The following SAG variants were observed in gnomAD, a reference collection of about 807,000 sequenced individuals.
SAG encodes S-antigen visual arrestin, also known as S-arrestin.
In SAG, 45 loss-of-function variants were observed where a neutral mutation model predicts 55.0. That is an observed-to-expected ratio of 0.82 (90% CI 0.64 to 1.05). SAG has a LOEUF of 1.05. Ranked by LOEUF, SAG falls within the 50% of genes least tolerant of loss-of-function variation. The probability of loss-of-function intolerance (pLI) is 0.00; values close to 1 mark genes in which losing one functional copy is unlikely to be tolerated. For missense variants in SAG, 455 were observed against 512.1 expected, an observed-to-expected ratio of 0.89 and a Z score of 1.08; for synonymous variants, 189 against 197.4, an observed-to-expected ratio of 0.96 and a Z score of 0.36.
At position 233,328,546 on chromosome 2, in the gene SAG, C is replaced by G. The variant is rs1700646724; in HGVS notation, c.581C>G (p.Ala194Gly). 1 of 1,613,876 alleles carries G rather than the reference C, an allele frequency of 6.2e-7. No homozygotes were observed. The highest frequency in any genetic ancestry group is 1.1e-5 in the South Asian group (1 of 91,086). The part of the protein sequence containing the change: ...APLEMGPQPR[A>G]EAAWQFFMSD... Reference sequence around the variant, plus strand: ...CTTGAGATGGGTCCCCAGCCCCGAGCTGAGGCGGCCTGGCAGTTCTTCATG... The same window carrying G: ...CTTGAGATGGGTCCCCAGCCCCGAGGTGAGGCGGCCTGGCAGTTCTTCATG... The change falls in exon 8 of 16, where the codon GCT becomes GGT. Residue 194 changes from alanine to glycine, a missense_variant. Ala to Gly is a moderately conservative substitution (Grantham distance 60). Coordinates refer to ENST00000409110, the MANE Select transcript of SAG (RefSeq NM_000541.5).
chr2:233,327,601 AAT>A (rs1700607006), intron 7 of SAG: 1 of 158,946 alleles, frequency 6.3e-6, no homozygotes, highest in African/African-American at 2.4e-5. Flanking sequence ...GCTGGAGTGC[AAT>A]GTGACCTCGG....
At position 233,327,154 on chromosome 2, in the gene SAG, G is replaced by T; in HGVS notation, c.469G>T (p.Ala157Ser). 1 of 1,613,836 alleles carries T rather than the reference G, an allele frequency of 6.2e-7. No individual in the cohort carries two copies. Among genetic ancestry groups the T allele is most frequent in the Non-Finnish European group, 8.5e-7 (1 of 1,179,784 alleles). ...GGTTGACTTTGAGGTCAAAGCATTC[G>T]CCACAGACAGCACCGATGCCGAAGA... ...CGVDFEVKAF[A>S]TDSTDAEEDK... is the part of the protein sequence containing the mutation. Residue 157 changes from alanine (A) to serine (S), a missense_variant, in exon 7 of 16, where the codon GCC becomes TCC. Physicochemically the swap from Ala to Ser is moderately conservative, Grantham distance 99 (BLOSUM62 1). Coordinates refer to ENST00000409110, the MANE Select transcript of SAG (RefSeq NM_000541.5).
At chr2:233,330,649 G>T (rs1273511152) in intron 9 of SAG, among the ~76,000 whole-genome samples, 3 of 151,968 alleles carry the variant, frequency 2.0e-5, no homozygotes, top group Non-Finnish European at 4.4e-5. Context: ...TCCTGCCTCA[G>T]CCTCCCAAGT....
intron 7 of SAG, 164 bp from the exon 8 acceptor site, chr2:233,328,314 G>T: frequency 1.4e-6 from 1 of 728,510 alleles, no homozygotes; most frequent in Non-Finnish European, 2.2e-6. Context: ...CCACCGTCAG[G>T]GCTGCCTCAG....
chr2:233,329,031 A>T, intron 8 of SAG: 1 of 235,678 alleles, frequency 4.2e-6, no homozygotes, highest in Admixed American at 5.3e-5. Context: ...GTCACCTGTG[A>T]TGTCATCTCT....
chr2:233,320,696 T>C lies in SAG; in HGVS notation c.248T>C (p.Phe83Ser). The change falls in exon 5 of 16, where the codon TTC becomes TCC. Residue 83 changes from phenylalanine (F) to serine (S), a missense_variant. By Grantham distance (155) the Phe-to-Ser change is radical (BLOSUM62 -2). Transcript: ENST00000409110. ...GACATTGACGTGATCGGCTTGACCT[T>C]CCGCAGGGACCTGTACTTCTCCCGG... ...QEDIDVIGLT[F>S]RRDLYFSRVQ... The C allele has an allele frequency of 6.2e-7, 1 of 1,605,980 alleles. No homozygotes were observed. Among genetic ancestry groups the C allele is most frequent in the Non-Finnish European group, 8.5e-7 (1 of 1,176,414 alleles).
chr2:233,319,131 C>T lies in SAG; in HGVS notation c.181+336C>T. The T allele has an allele frequency of 2.1e-6, 1 of 469,382 alleles. No homozygotes were observed. The highest frequency in any genetic ancestry group is 4.8e-5 in the East Asian group (1 of 20,726). 29.1% of individuals were successfully genotyped at this position (469,382 alleles called of 1,614,324 possible). A position where few individuals can be genotyped will look rare whatever the true frequency, so the allele number is the denominator to read the frequency against. ...TGCTAGGGGCAAACTCAGGAGGGTG[C>T]CTGGGGTGCCTAGGACTCAGGAGGA... On this transcript the variant is annotated intron_variant, in intron 4 of 15. Coordinates refer to ENST00000409110, the MANE Select transcript of SAG (RefSeq NM_000541.5). This position sits in a 1 kb window ranked among gnomAD's most constrained non-coding sequence, Gnocchi z 4.4.
In SAG at chr2:233,327,156, C is replaced by T. The variant is rs1235985445; in HGVS notation, c.471C>T (p.Ala157=). Residue 157 remains alanine, a synonymous_variant, in exon 7 of 16, where the codon GCC becomes GCT. Transcript: ENST00000409110. ...CGVDFEVKAF[A]TDSTDAEEDK... ...TTGACTTTGAGGTCAAAGCATTCGC[C>T]ACAGACAGCACCGATGCCGAAGAGG... The T allele has an allele frequency of 1.9e-6, 3 of 1,613,880 alleles. No individual in the cohort carries two copies. Among genetic ancestry groups the T allele is most frequent in the East Asian group, 2.2e-5 (1 of 44,874 alleles).
Position 233,309,157 on chromosome 2 carries a change from C to T in SAG, c.-28-5C>T. On this transcript the variant is annotated splice_region_variant and splice_polypyrimidine_tract_variant and intron_variant, in intron 1 of 15. Transcript: ENST00000409110. Reference sequence around the variant, plus strand: ...AACCCTCTAACACCTGACCAACACCCCAAGGTGGTAGAAGTTGCCAGGGAC... The same window carrying T: ...AACCCTCTAACACCTGACCAACACCTCAAGGTGGTAGAAGTTGCCAGGGAC... 6.3e-7 allele frequency: 1 copy of T among 1,591,064 alleles called. No individual in the cohort carries two copies. Among genetic ancestry groups the T allele is most frequent in the Non-Finnish European group, 8.6e-7 (1 of 1,160,136 alleles).
intron 10 of SAG, chr2:233,333,873 G>A (rs976684922): frequency 2.6e-5 from 4 of 152,236 alleles, no homozygotes; most frequent in African/African-American, 9.7e-5. Context: ...TTTCTGTAAA[G>A]AGCTTCCTGT....
chr2:233,309,866 C>G (rs551266804), intron 2 of SAG, among the ~76,000 whole-genome samples: 1 of 152,220 alleles, frequency 6.6e-6, no homozygotes, highest in African/African-American at 2.4e-5. Context: ...TCCTAGCCAG[C>G]CTTGAACCCT....
chr2:233,327,600 C>A (rs1700606772), intron 7 of SAG: 1 of 159,180 alleles, frequency 6.3e-6, no homozygotes, highest in Admixed American at 6.3e-5. Flanking sequence ...GGCTGGAGTG[C>A]AATGTGACCT....
rs1276247719 is a variant in SAG at position 233,342,444 on chromosome 2, G to C, written c.1102+118G>C. 7.6e-6 allele frequency: 6 copies of C among 793,246 alleles called. No individual in the cohort carries two copies. The African/African-American group carries it at 1.0e-4, about 14-fold the overall frequency. The allele number at this position is 793,246 out of a possible 1,614,324, so 49.1% of individuals were successfully genotyped here. On this transcript the variant is annotated intron_variant, in intron 14 of 15. Coordinates refer to ENST00000409110, the MANE Select transcript of SAG (RefSeq NM_000541.5). ...AGCATGGGAGTGGCCAGGTGTAAGA[G>C]ATTCCATGTGATCTACAAGGTGAAT...
chr2:233,332,663 A>AT (rs10642996), intron 10 of SAG: 17,571 of 137,174 alleles, frequency 0.13, 1,498 homozygotes, highest in African/African-American at 0.22. Flanking sequence ...CTAATTTTGT[A>AT]TTTTTTTTTT....
chr2:233,337,265 G>A (rs1304773628), intron 11 of SAG, among the ~76,000 whole-genome samples: 3 of 151,342 alleles, frequency 2.0e-5, no homozygotes, highest in African/African-American at 7.3e-5. Flanking sequence ...TTGAGATAAG[G>A]TCTCAGTCTG....
chr2:233,335,422 T>C (rs187274103), intron 11 of SAG, among the ~76,000 whole-genome samples: 154 of 152,310 alleles, frequency 1.0e-3, no homozygotes, highest in Middle Eastern at 3.4e-3. Context: ...TCAAGTCTCA[T>C]AGAGTGATTA....
intron 14 of SAG, 75 bp from the exon 15 acceptor site, chr2:233,346,328 C>G: frequency 6.7e-7 from 1 of 1,492,200 alleles, no homozygotes; most frequent in Non-Finnish European, 9.4e-7. Flanking sequence ...CTAGGTACAG[C>G]TATGATATAG....
At chr2:233,341,003 G>A (rs1228402952) in intron 13 of SAG, among the ~76,000 whole-genome samples, 3 of 151,920 alleles carry the variant, frequency 2.0e-5, no homozygotes, top group African/African-American at 7.3e-5. Context: ...TAGTAGAGAC[G>A]GGGTTTCCCC....
intron 14 of SAG, chr2:233,346,140 G>C (rs1701247564): frequency 5.9e-6 from 1 of 168,426 alleles, no homozygotes; most frequent in South Asian, 2.0e-4. Context: ...GTGACAGAGA[G>C]AGACAGTCTC....
Sources: gnomAD v4.1 joint callset for allele counts (sites outside exome capture counted in the v4.1 genomes callset) on GRCh38, gnomAD v4.1.1 for gene constraint, Gnocchi (gnomAD v3.1) non-coding constraint, MANE v1.5 for transcripts, NCBI Gene and HGNC (gene_info 2026-07-23, HGNC 2026-07-21) for gene names.